The following TRIP4 variants were observed in gnomAD, a reference collection of about 807,000 sequenced individuals.
The protein encoded by TRIP4 is thyroid hormone receptor interactor 4.
A neutral mutation model predicts 81.8 loss-of-function variants in TRIP4; 54 were observed. The ratio of observed to expected loss-of-function variants is 0.66; its 90% CI spans 0.53 to 0.83. TRIP4 has a LOEUF of 0.83. Among genes scored for constraint, TRIP4 ranks in the 40% least tolerant of loss-of-function variants. TRIP4 has a pLI of 0.00. For missense variants in TRIP4, 662 were observed against 683.6 expected, an observed-to-expected ratio of 0.97 and a Z score of 0.35; for synonymous variants, 270 against 242.8, an observed-to-expected ratio of 1.11 and a Z score of -1.04.
In TRIP4 at chr15:64,432,825, C is replaced by A. The variant is rs553735685; in HGVS notation, c.1575+7194C>A. 5.6e-4 allele frequency among the ~76,000 whole-genome samples: 85 copies of A among 152,052 alleles called. 1 individual carries two copies. Among genetic ancestry groups the A allele is most frequent in the African/African-American group, 2.0e-3 (83 of 41,456 alleles). On this transcript the variant is annotated intron_variant, in intron 11 of 12. Coordinates refer to ENST00000261884, the MANE Select transcript of TRIP4 (RefSeq NM_016213.5). Reference sequence around the variant, plus strand: ...ACTCGGGAGGCTGAGGCAGGAGAATCTCTTGAACCCGGGAGGTGGAGGTTG... The same window carrying A: ...ACTCGGGAGGCTGAGGCAGGAGAATATCTTGAACCCGGGAGGTGGAGGTTG...
At chr15:64,430,134 T>C (rs1157851492) in intron 11 of TRIP4, among the ~76,000 whole-genome samples, 2 of 152,256 alleles carry the variant, frequency 1.3e-5, no homozygotes, top group Non-Finnish European at 2.9e-5. Context: ...TTTAAAAATA[T>C]GTGCTTTCTC....
intron 11 of TRIP4, among the ~76,000 whole-genome samples, chr15:64,426,689 G>A (rs1892153217): frequency 8.4e-6 from 1 of 119,066 alleles, no homozygotes; most frequent in Non-Finnish European, 1.7e-5. Flanking sequence ...GACAGAGTGA[G>A]ACTCTGTCTC....
intron 12 of TRIP4, among the ~76,000 whole-genome samples, chr15:64,449,316 G>C (rs1892702360): frequency 1.3e-5 from 2 of 148,814 alleles, no homozygotes; most frequent in African/African-American, 2.5e-5. Flanking sequence ...GGATGTCTTA[G>C]GAACCTAGCC....
intron 1 of TRIP4, among the ~76,000 whole-genome samples, chr15:64,392,023 C>G (rs1440377706): frequency 6.9e-6 from 1 of 145,568 alleles, no homozygotes; most frequent in Non-Finnish European, 1.5e-5. Context: ...GCCTGTAATT[C>G]CAGCACTTTG....
chr15:64,395,375 T>TA (rs1491043431), intron 2 of TRIP4, 23 bp from the exon 3 acceptor site: 2 of 861,814 alleles, frequency 2.3e-6, no homozygotes, highest in South Asian at 2.5e-5. Context: ...TGTGTGTGTA[T>TA]TTTTTTTTTT....
intron 7 of TRIP4, among the ~76,000 whole-genome samples, chr15:64,411,007 G>T (rs1891751190): frequency 6.6e-6 from 1 of 152,106 alleles, no homozygotes; most frequent in Non-Finnish European, 1.5e-5. Flanking sequence ...ATCAAATTTG[G>T]CTTAAATTTT....
intron 11 of TRIP4, 34 bp downstream of exon 11, chr15:64,425,665 G>C: frequency 1.3e-6 from 2 of 1,564,990 alleles, no homozygotes; most frequent in Non-Finnish European, 1.7e-6. Context: ...TTTAGAGACA[G>C]GGTTTCGCCA....
At position 64,397,745 on chromosome 15, in the gene TRIP4, A is replaced by C. The variant is rs773018211; in HGVS notation, c.545A>C (p.Asn182Thr). 1.9e-6 allele frequency: 3 copies of C among 1,614,248 alleles called. No individual in the cohort carries two copies. In the South Asian group the frequency reaches 3.3e-5, roughly 18 times the overall value. ...CTGGGCCAGAAGCACAAGCTCATCAATAACTGTCTGATCTGTGGGCGCATT... is the reference window on the plus strand; with the variant it reads ...CTGGGCCAGAAGCACAAGCTCATCACTAACTGTCTGATCTGTGGGCGCATT... ...DCLGQKHKLINNCLICGRIVC... is the reference protein window; with the variant it reads ...DCLGQKHKLITNCLICGRIVC... The change falls in exon 4 of 13, where the codon AAT becomes ACT. Residue 182 changes from asparagine (N) to threonine (T), a missense_variant. Physicochemically the swap from Asn to Thr is moderately conservative, Grantham distance 65. Transcript: ENST00000261884.
chr15:64,445,355 G>A (rs1260992915), intron 12 of TRIP4: 3 of 223,134 alleles, frequency 1.3e-5, no homozygotes, highest in East Asian at 2.4e-4. Context: ...GGCCGGGCAC[G>A]GTGGCTCATG....
chr15:64,414,981 G>C (rs1444228068), intron 8 of TRIP4, among the ~76,000 whole-genome samples: 9 of 151,976 alleles, frequency 5.9e-5, no homozygotes, highest in African/African-American at 2.4e-5. Context: ...TGTAGTCCCA[G>C]CTACTTAGGA....
chr15:64,436,107 C>G (rs530334826), intron 11 of TRIP4, among the ~76,000 whole-genome samples: 1 of 151,968 alleles, frequency 6.6e-6, no homozygotes, highest in South Asian at 2.1e-4. Flanking sequence ...CCAGCCTGAC[C>G]AACATGATGA....
chr15:64,406,145 G>T (rs1891617065), intron 5 of TRIP4, among the ~76,000 whole-genome samples, 185 bp from the exon 6 acceptor site: 1 of 152,204 alleles, frequency 6.6e-6, no homozygotes, highest in Non-Finnish European at 1.5e-5. Context: ...AACCTGTCAT[G>T]TGTCAAGCAC....
intron 11 of TRIP4, 47 bp downstream of exon 11, chr15:64,425,678 TTGGCCAGGCTGGTCTTGAAAGCA>T: frequency 6.6e-7 from 1 of 1,520,188 alleles, no homozygotes; most frequent in Non-Finnish European, 9.0e-7. Context: ...TTTCGCCATG[TTGGCCAGGCTGGTCTTGAAAGCA>T]CTTTAAGAGG....
In TRIP4 at chr15:64,426,738, C is replaced by T. The variant is rs145363070; in HGVS notation, c.1575+1107C>T. Reference sequence around the variant, plus strand: ...AAAAAAAGATGGGCATGGTGGCTCACGCCTGTAATCCCAGTGCTTTGGGAG... The same window carrying T: ...AAAAAAAGATGGGCATGGTGGCTCATGCCTGTAATCCCAGTGCTTTGGGAG... On this transcript the variant is annotated intron_variant, in intron 11 of 12. Transcript: ENST00000261884. Among the ~76,000 whole-genome samples, 1,012 of 145,094 alleles carry T rather than the reference C, an allele frequency of 7.0e-3. 6 individuals are homozygous for T. The highest frequency in any genetic ancestry group is 0.011 in the Non-Finnish European group (747 of 66,836).
intron 11 of TRIP4, among the ~76,000 whole-genome samples, chr15:64,426,201 G>T (rs947873181): frequency 6.6e-6 from 1 of 152,066 alleles, no homozygotes; most frequent in South Asian, 2.1e-4. Context: ...TATTTTGATT[G>T]GGGGGTGGGA....
intron 12 of TRIP4, among the ~76,000 whole-genome samples, chr15:64,451,962 A>T (rs1427713979): frequency 2.0e-5 from 3 of 150,068 alleles, no homozygotes; most frequent in Admixed American, 6.7e-5. Flanking sequence ...CCAAAAAAAA[A>T]AAAAAATTTT....
intron 11 of TRIP4, among the ~76,000 whole-genome samples, chr15:64,429,177 C>T (rs1323904587): frequency 1.3e-5 from 2 of 151,892 alleles, no homozygotes; most frequent in Admixed American, 6.6e-5. Context: ...ATTAGCCAGG[C>T]GTGGTGGCAG....
Position 64,455,169 on chromosome 15 carries a change from C to A in TRIP4, c.*105C>A. On this transcript the variant is annotated 3_prime_UTR_variant, in exon 13 of 13. Transcript: ENST00000261884. ...TAGTAGAAACCTAAAGGCTTGGCGT[C>A]AGGCTTGAATATCTCAGAACTTAAA... 1 of 984,410 alleles carries A rather than the reference C, an allele frequency of 1.0e-6. No homozygotes were observed. Among genetic ancestry groups the A allele is most frequent in the South Asian group, 1.8e-5 (1 of 54,914 alleles). 61.0% of individuals were successfully genotyped at this position (984,410 alleles called of 1,614,324 possible).
At chr15:64,431,070 C>T (rs977611887) in intron 11 of TRIP4, among the ~76,000 whole-genome samples, 1 of 152,044 alleles carries the variant, frequency 6.6e-6, no homozygotes, top group South Asian at 2.1e-4. Context: ...CAGCTTCTAT[C>T]ACCAATGAAT....
Sources: gnomAD v4.1 joint callset for allele counts (sites outside exome capture counted in the v4.1 genomes callset) on GRCh38, gnomAD v4.1.1 for gene constraint, MANE v1.5 for transcripts, NCBI Gene and HGNC (gene_info 2026-07-23, HGNC 2026-07-21) for gene names.